Variants in CTNNA2 observed in about 807,000 individuals in gnomAD.
CTNNA2 encodes the protein catenin alpha-2.
CTNNA2 carries 42 observed loss-of-function variants against 101.0 expected under a neutral mutation model. The ratio of observed to expected loss-of-function variants is 0.42; its 90% CI spans 0.32 to 0.54. The LOEUF (loss-of-function observed/expected upper bound fraction) is 0.54. Among genes scored for constraint, CTNNA2 ranks in the 20% least tolerant of loss-of-function variants. CTNNA2 has a pLI of 0.14. For missense variants in CTNNA2, 871 were observed against 1,223.1 expected (o/e 0.71, Z 4.29); for synonymous variants, 450 against 456.4 (o/e 0.99, Z 0.18).
chr2:80,378,132 G>C (rs940627406), intron 7 of CTNNA2, among the ~76,000 whole-genome samples: 1 of 151,980 alleles, frequency 6.6e-6, no homozygotes, highest in Non-Finnish European at 1.5e-5. Context: ...CGAGGTGGGC[G>C]AATCACGAGG....
At chr2:80,300,484 T>C (rs1676184199) in intron 7 of CTNNA2, among the ~76,000 whole-genome samples, 2 of 152,124 alleles carry the variant, frequency 1.3e-5, no homozygotes, top group African/African-American at 2.4e-5. Flanking sequence ...AAGGAAACCT[T>C]CTGGTGATAC....
intron 9 of CTNNA2, among the ~76,000 whole-genome samples, chr2:80,498,348 T>C (rs1340105762): frequency 6.6e-6 from 1 of 152,236 alleles, no homozygotes; most frequent in Non-Finnish European, 1.5e-5. Flanking sequence ...TAATCACCTG[T>C]GACTGACTGA....
At chr2:80,382,085 C>A (rs967161141) in intron 7 of CTNNA2, among the ~76,000 whole-genome samples, 2 of 152,124 alleles carry the variant, frequency 1.3e-5, no homozygotes, top group Non-Finnish European at 2.9e-5. Context: ...GAGTAGGCAA[C>A]AATATGACTC....
At chr2:79,704,901 C>A (rs57885842) in intron 2 of CTNNA2, among the ~76,000 whole-genome samples, 7,876 of 152,184 alleles carry the variant, frequency 0.052, 724 homozygotes, top group African/African-American at 0.18. Context: ...AGTGCTATTT[C>A]ATATTTCTTT....
intron 4 of CTNNA2, among the ~76,000 whole-genome samples, chr2:79,451,474 A>T (rs1052203646): frequency 1.3e-5 from 2 of 152,160 alleles, no homozygotes; most frequent in African/African-American, 2.4e-5. Context: ...TTAAAAAAAA[A>T]CTCAGCAACC....
chr2:80,041,383 T>C (rs1382877763), intron 7 of CTNNA2, among the ~76,000 whole-genome samples: 1 of 152,172 alleles, frequency 6.6e-6, no homozygotes, highest in Non-Finnish European at 1.5e-5. Context: ...AGAAATAGGC[T>C]ATTTAATGGA....
At chr2:79,354,899 G>A (rs4852474) in intron 3 of CTNNA2, among the ~76,000 whole-genome samples, 1 of 151,976 alleles carries the variant, frequency 6.6e-6, no homozygotes, top group East Asian at 1.9e-4. Flanking sequence ...TCTAAAAAGA[G>A]CTGTTTAAAG....
At chr2:79,715,885 G>T (rs1039239865) in intron 2 of CTNNA2, among the ~76,000 whole-genome samples, 6 of 151,962 alleles carry the variant, frequency 3.9e-5, no homozygotes, top group Non-Finnish European at 7.4e-5. Context: ...TAGAGACCAG[G>T]TTACCTAAAA....
At position 79,651,603 on chromosome 2, in the gene CTNNA2, G is replaced by A; in HGVS notation, c.47G>A (p.Ser16Asn). The A allele has an allele frequency of 6.2e-7, 1 of 1,613,880 alleles. No individual in the cohort carries two copies. The highest frequency in any genetic ancestry group is 1.6e-4 in the Middle Eastern group (1 of 6,062). The change falls in exon 2 of 19, where the codon AGT (serine) becomes AAT (asparagine). Residue 16 changes from serine to asparagine, a missense_variant. Ser to Asn is a conservative substitution (Grantham distance 46). Coordinates refer to ENST00000402739, the MANE Select transcript of CTNNA2 (RefSeq NM_001282597.3). Reference protein sequence around the residue: ...SPIILKWDPKSLEIRTLTVER... With the variant: ...SPIILKWDPKNLEIRTLTVER... Reference sequence around the variant, plus strand: ...ATCATTCTGAAATGGGACCCCAAAAGTTTGGAAATCCGGACGCTAACAGTG... The same window carrying A: ...ATCATTCTGAAATGGGACCCCAAAAATTTGGAAATCCGGACGCTAACAGTG...
intron 1 of CTNNA2, among the ~76,000 whole-genome samples, chr2:79,600,220 G>T (rs915828151): frequency 6.6e-5 from 10 of 151,964 alleles, no homozygotes; most frequent in African/African-American, 2.4e-4. Flanking sequence ...CTGTCACCCA[G>T]GCTGGAGTGC....
chr2:79,616,327 A>G (rs1678617997), intron 1 of CTNNA2, among the ~76,000 whole-genome samples: 1 of 152,188 alleles, frequency 6.6e-6, no homozygotes, highest in South Asian at 2.1e-4. Flanking sequence ...TGTAATCTAT[A>G]GAGACCTAAG....
intron 9 of CTNNA2, among the ~76,000 whole-genome samples, chr2:80,518,464 T>C (rs1689271842): frequency 6.6e-6 from 1 of 152,168 alleles, no homozygotes; most frequent in Non-Finnish European, 1.5e-5. Flanking sequence ...TGCCCCAACA[T>C]ATACATCATG....
chr2:79,976,967 A>G (rs552596585), intron 7 of CTNNA2, among the ~76,000 whole-genome samples: 2 of 152,334 alleles, frequency 1.3e-5, no homozygotes, highest in South Asian at 4.1e-4. Flanking sequence ...TCAGAGTTAT[A>G]CAATGAATCC....
At chr2:80,027,631 T>C (rs193297223) in intron 7 of CTNNA2, among the ~76,000 whole-genome samples, 1 of 152,148 alleles carries the variant, frequency 6.6e-6, no homozygotes, top group Admixed American at 6.5e-5. Flanking sequence ...ACTGGATTCT[T>C]TTCTATCAGA....
chr2:80,066,383 AAATC>A (rs564993727), intron 7 of CTNNA2, among the ~76,000 whole-genome samples: 427 of 152,346 alleles, frequency 2.8e-3, no homozygotes, highest in Non-Finnish European at 5.1e-3. Context: ...GCAAAAAAAA[AAATC>A]AATAGCACAA....
At chr2:79,673,229 A>G (rs1395140878) in intron 2 of CTNNA2, among the ~76,000 whole-genome samples, 1 of 151,904 alleles carries the variant, frequency 6.6e-6, no homozygotes, top group Non-Finnish European at 1.5e-5. Flanking sequence ...GTGTGCCGTG[A>G]TTGGTTGACT....
chr2:80,130,324 A>G (rs1299050172), intron 7 of CTNNA2, among the ~76,000 whole-genome samples: 1 of 152,242 alleles, frequency 6.6e-6, no homozygotes, highest in Non-Finnish European at 1.5e-5. Context: ...TGCAGGCTTT[A>G]CTGTTTCTCT....
chr2:80,467,277 A>C (rs1002030682), intron 9 of CTNNA2, among the ~76,000 whole-genome samples: 2 of 152,178 alleles, frequency 1.3e-5, no homozygotes, highest in African/African-American at 4.8e-5. Flanking sequence ...AGAAAATAAG[A>C]AAGATAAGGA....
At chr2:79,363,476 T>C (rs1399089415) in intron 3 of CTNNA2, among the ~76,000 whole-genome samples, 1 of 152,180 alleles carries the variant, frequency 6.6e-6, no homozygotes. Flanking sequence ...GAGAAATAAT[T>C]TAACGTATGT....
Sources: allele counts gnomAD v4.1 joint callset (sites outside exome capture counted in the v4.1 genomes callset), GRCh38; gene constraint gnomAD v4.1.1; transcripts MANE v1.5; gene names NCBI Gene and HGNC (gene_info 2026-07-23, HGNC 2026-07-21).